Variants in CPVL observed in about 807,000 individuals in gnomAD.
CPVL encodes the protein carboxypeptidase vitellogenic like.
In CPVL, 51 loss-of-function variants were observed where a neutral mutation model predicts 63.7. The observed-to-expected ratio is 0.80, with a 90% CI of 0.64 to 1.01. CPVL has a LOEUF of 1.01. Among genes scored for constraint, CPVL ranks in the 50% least tolerant of loss-of-function variants. CPVL has a pLI of 0.00. For synonymous variants in CPVL, 195 were observed against 206.0 expected (o/e 0.95, Z 0.46); for missense variants, 530 against 573.1 (o/e 0.92, Z 0.77).
chr7:29,056,416 T>A (rs1400742711), intron 11 of CPVL, among the ~76,000 whole-genome samples: 1 of 152,222 alleles, frequency 6.6e-6, no homozygotes, highest in East Asian at 1.9e-4. Context: ...TTTTAGAGAA[T>A]GTCACATAGT....
intron 2 of CPVL, among the ~76,000 whole-genome samples, chr7:29,115,222 G>A (rs1468051102): frequency 2.6e-5 from 4 of 152,224 alleles, no homozygotes; most frequent in African/African-American, 9.6e-5. Flanking sequence ...CAATTGGAAG[G>A]GAAAGTTATC....
At chr7:29,035,744 A>G (rs1788468624) in intron 11 of CPVL, among the ~76,000 whole-genome samples, 1 of 152,218 alleles carries the variant, frequency 6.6e-6, no homozygotes, top group Admixed American at 6.5e-5. Flanking sequence ...GGTGCTGTAT[A>G]GTGACCATCT....
chr7:29,145,608 A>G (rs1003518147), intron 1 of CPVL, among the ~76,000 whole-genome samples: 1 of 151,672 alleles, frequency 6.6e-6, no homozygotes, highest in Non-Finnish European at 1.5e-5. Flanking sequence ...CATAACTGAT[A>G]AGGAAAATTA....
intron 1 of CPVL, chr7:29,193,062 T>C (rs979822590): frequency 3.3e-5 from 5 of 152,348 alleles, no homozygotes; most frequent in East Asian, 1.9e-4. Context: ...AGGATAGTGG[T>C]AGGGGCTGGG....
intron 3 of CPVL, among the ~76,000 whole-genome samples, chr7:29,107,025 C>T (rs1159633080): frequency 6.6e-6 from 1 of 152,182 alleles, no homozygotes; most frequent in Non-Finnish European, 1.5e-5. Flanking sequence ...TGAACCTCTT[C>T]CAAGGTTGGT....
At chr7:29,188,914 A>T (rs1028625902) in intron 1 of CPVL, among the ~76,000 whole-genome samples, 3 of 150,578 alleles carry the variant, frequency 2.0e-5, no homozygotes, top group East Asian at 1.9e-4. Context: ...GTTTTGTAGG[A>T]TCCCCCACAG....
At chr7:29,151,852 T>C (rs1466899106) in intron 5 of CPVL, among the ~76,000 whole-genome samples, 1 of 152,222 alleles carries the variant, frequency 6.6e-6, no homozygotes, top group Non-Finnish European at 1.5e-5. Context: ...CGAAATTGTA[T>C]GTATAGCCAT....
chr7:29,077,855 T>C (rs1405931658), intron 7 of CPVL, among the ~76,000 whole-genome samples: 2 of 152,098 alleles, frequency 1.3e-5, no homozygotes, highest in Admixed American at 1.3e-4. Flanking sequence ...GGTGAAAACC[T>C]CGGTGTAATG....
chr7:29,081,595 T>C (rs317726), intron 7 of CPVL: 81,310 of 152,104 alleles, frequency 0.53, 22,206 homozygotes, highest in African/African-American at 0.59. Context: ...AAAGTAACTA[T>C]TGCTTTTAAA....
At chr7:29,097,886 A>G (rs7785072) in intron 3 of CPVL, among the ~76,000 whole-genome samples, 86,608 of 151,952 alleles carry the variant, frequency 0.57, 25,793 homozygotes, top group African/African-American at 0.74. Flanking sequence ...AGCTGTGCAC[A>G]AGGGAAATGA....
chr7:29,161,094 TA>T (rs1195193595), intron 5 of CPVL, among the ~76,000 whole-genome samples: 2 of 152,158 alleles, frequency 1.3e-5, no homozygotes, highest in African/African-American at 4.8e-5. Flanking sequence ...TACCAGATAT[TA>T]TCTTAAACCC....
chr7:29,179,822 T>C (rs1401725309), intron 5 of CPVL, among the ~76,000 whole-genome samples: 2 of 152,244 alleles, frequency 1.3e-5, no homozygotes, highest in Non-Finnish European at 2.9e-5. Context: ...TCTTATGCTT[T>C]GCAAAACTGA....
chr7:29,097,234 CAA>C (rs139388256), intron 3 of CPVL, among the ~76,000 whole-genome samples: 21,548 of 152,150 alleles, frequency 0.14, 3,584 homozygotes, highest in African/African-American at 0.41. Flanking sequence ...CCATCACCTT[CAA>C]TGACAGAGAC....
chr7:29,178,390 G>A lies in CPVL; in HGVS notation c.-11+2900C>T, dbSNP rs368919962. Reference sequence around the variant, plus strand: ...TCTGACCTGGTCTTCCTCTGCGTGCGGTTTCATTCCTTTGACGCCAGCTCC... The same window carrying A: ...TCTGACCTGGTCTTCCTCTGCGTGCAGTTTCATTCCTTTGACGCCAGCTCC... On this transcript the variant is annotated intron_variant, in intron 5 of 16. Transcript: ENST00000409850. 8.5e-5 allele frequency among the ~76,000 whole-genome samples: 13 copies of A among 152,162 alleles called. No homozygotes were observed. In the East Asian group the frequency reaches 2.1e-3, roughly 25 times the overall value.
In CPVL at chr7:29,146,463, G is replaced by A. The variant is rs1792675428; in HGVS notation, c.-45C>T. ...TCGGTGCTCCTCCCTGAGCCGCGGC[G>A]CGCAAGGACCCCAGCCGGTTGTCCT... On this transcript the variant is annotated 5_prime_UTR_variant, in exon 1 of 13. Coordinates refer to ENST00000265394, the MANE Select transcript of CPVL (RefSeq NM_031311.5). 2.9e-6 allele frequency: 4 copies of A among 1,394,704 alleles called. No homozygotes were observed. Among genetic ancestry groups the A allele is most frequent in the Admixed American group, 2.9e-5 (1 of 34,348 alleles). 86.4% of individuals were successfully genotyped at this position (1,394,704 alleles called of 1,614,324 possible).
At chr7:29,086,796 A>G (rs17676634) in intron 6 of CPVL, among the ~76,000 whole-genome samples, 15,621 of 152,222 alleles carry the variant, frequency 0.1, 1,031 homozygotes, top group Middle Eastern at 0.14. Flanking sequence ...CTGATATACC[A>G]GTTTGGATCA....
chr7:29,165,215 C>G (rs13238687), intron 5 of CPVL, among the ~76,000 whole-genome samples: 23,684 of 151,466 alleles, frequency 0.16, 2,069 homozygotes, highest in African/African-American at 0.22. Context: ...ATTATCTCAA[C>G]AATGTTTTAT....
At chr7:29,090,730 T>C (rs1472250155) in intron 6 of CPVL, among the ~76,000 whole-genome samples, 16 of 152,210 alleles carry the variant, frequency 1.1e-4, no homozygotes, top group Admixed American at 1.0e-3. Flanking sequence ...TGTGACTAAA[T>C]AGCATATTCC....
intron 6 of CPVL, among the ~76,000 whole-genome samples, chr7:29,089,915 T>G (rs1226995914): frequency 1.3e-5 from 2 of 151,350 alleles, no homozygotes; most frequent in African/African-American, 4.9e-5. Flanking sequence ...CAGGCTGCAG[T>G]GCAGTGGTGT....
Sources: gnomAD v4.1 joint callset for allele counts (sites outside exome capture counted in the v4.1 genomes callset) on GRCh38, gnomAD v4.1.1 for gene constraint, MANE v1.5 for transcripts, NCBI Gene and HGNC (gene_info 2026-07-23, HGNC 2026-07-21) for gene names.